The following TENM2 variants were observed in gnomAD, a reference collection of about 807,000 sequenced individuals.
TENM2 encodes the protein teneurin-2.
TENM2 carries 52 observed loss-of-function variants against 245.2 expected under a neutral mutation model. The ratio of observed to expected loss-of-function variants is 0.21; its 90% CI spans 0.17 to 0.27. The LOEUF is 0.27. Among genes scored for constraint, TENM2 ranks in the 10% least tolerant of loss-of-function variants. TENM2 has a pLI of 1.00. For synonymous variants in TENM2, 1,363 were observed against 1,438.9 expected (o/e 0.95, Z 1.19); for missense variants, 3,046 against 3,666.8 (o/e 0.83, Z 4.37).
chr5:167,384,090 G>A (rs527835988), intron 2 of TENM2, among the ~76,000 whole-genome samples: 1 of 152,234 alleles, frequency 6.6e-6, no homozygotes, highest in Admixed American at 6.5e-5. Flanking sequence ...ACCTAACTAT[G>A]TTATAGTAAA....
At chr5:168,187,986 G>A (rs549442346) in intron 13 of TENM2, among the ~76,000 whole-genome samples, 8 of 152,242 alleles carry the variant, frequency 5.3e-5, no homozygotes, top group Admixed American at 1.3e-4. Context: ...AATGTGTTAC[G>A]AGGCACATGA....
At chr5:167,032,919 G>A in the TENM2 span, among the ~76,000 whole-genome samples, 5 of 151,792 alleles carry the variant, frequency 3.3e-5, no homozygotes, top group African/African-American at 1.2e-4. Context: ...TTTCTCTGTG[G>A]TAAACACAAG....
the TENM2 span, among the ~76,000 whole-genome samples, chr5:167,252,917 TGTC>T: frequency 6.6e-6 from 1 of 152,160 alleles, no homozygotes; most frequent in Non-Finnish European, 1.5e-5. Flanking sequence ...TGGCCTTACG[TGTC>T]ATAGCTCTCT....
chr5:167,986,523 A>T (rs1783259178), intron 4 of TENM2, among the ~76,000 whole-genome samples: 1 of 152,150 alleles, frequency 6.6e-6, no homozygotes, highest in African/African-American at 2.4e-5. Context: ...TAAGACATCA[A>T]GGACTGGTTT....
At chr5:167,717,233 G>C (rs182978567) in intron 2 of TENM2, among the ~76,000 whole-genome samples, 1 of 152,166 alleles carries the variant, frequency 6.6e-6, no homozygotes, top group African/African-American at 2.4e-5. Flanking sequence ...TAGGATTACA[G>C]ATGTCAGCTA....
intron 5 of TENM2, among the ~76,000 whole-genome samples, chr5:168,023,215 G>T (rs1260703955): frequency 1.3e-5 from 2 of 152,222 alleles, no homozygotes; most frequent in Non-Finnish European, 2.9e-5. Flanking sequence ...CAGCCACGCT[G>T]ATGCGAGGCC....
At chr5:167,457,002 G>T (rs1765963342) in intron 2 of TENM2, among the ~76,000 whole-genome samples, 1 of 152,294 alleles carries the variant, frequency 6.6e-6, no homozygotes, top group African/African-American at 2.4e-5. Context: ...TCCAGTCGTG[G>T]TTTGAAGCAG....
At position 167,911,908 on chromosome 5, in the gene TENM2, A is replaced by T. The variant is rs546641331; in HGVS notation, c.712+35713A>T. ...ATATATATTTATGATATACAGCATGATATTCTGTTATATGTATGTAATGGA... is the reference window on the plus strand; with the variant it reads ...ATATATATTTATGATATACAGCATGTTATTCTGTTATATGTATGTAATGGA... On this transcript the variant is annotated intron_variant, in intron 3 of 28. Transcript: ENST00000518659. 1.3e-4 allele frequency among the ~76,000 whole-genome samples: 20 copies of T among 152,254 alleles called. 1 individual carries two copies. The highest frequency in any genetic ancestry group is 4.6e-4 in the African/African-American group (19 of 41,548).
At chr5:167,487,857 G>T (rs1374950209) in intron 2 of TENM2, among the ~76,000 whole-genome samples, 1 of 152,082 alleles carries the variant, frequency 6.6e-6, no homozygotes, top group Non-Finnish European at 1.5e-5. Context: ...TATTTTGTCA[G>T]TATATAATGC....
intron 10 of TENM2, 55 bp from the exon 13 acceptor site, chr5:168,124,795 C>A: frequency 6.7e-7 from 1 of 1,498,518 alleles, no homozygotes; most frequent in Non-Finnish European, 9.0e-7. Context: ...CATGGTCCAT[C>A]CTCCATGGGT....
At chr5:167,700,008 G>A (rs1758033177) in intron 2 of TENM2, among the ~76,000 whole-genome samples, 2 of 152,100 alleles carry the variant, frequency 1.3e-5, no homozygotes, top group Admixed American at 6.6e-5. Flanking sequence ...ATATATTGGG[G>A]TTCAGGGAAA....
chr5:167,226,159 T>G, the TENM2 span, among the ~76,000 whole-genome samples: 1 of 152,020 alleles, frequency 6.6e-6, no homozygotes. Context: ...TGATTAATTC[T>G]GCTCTGATCT....
chr5:167,102,727 C>T, the TENM2 span, among the ~76,000 whole-genome samples: 1 of 152,248 alleles, frequency 6.6e-6, no homozygotes, highest in Non-Finnish European at 1.5e-5. Flanking sequence ...GGCGCAGTCT[C>T]AGCTCAGTGC....
At chr5:167,704,509 C>T (rs1561689151) in intron 2 of TENM2, among the ~76,000 whole-genome samples, 1 of 152,010 alleles carries the variant, frequency 6.6e-6, no homozygotes, top group South Asian at 2.1e-4. Context: ...GTTTCACCCT[C>T]CTGCATCATC....
chr5:167,671,084 G>T (rs1582707794), intron 2 of TENM2, among the ~76,000 whole-genome samples: 1 of 152,158 alleles, frequency 6.6e-6, no homozygotes, highest in East Asian at 1.9e-4. Context: ...TTTGAATTCA[G>T]CCTTAGACTC....
At chr5:167,135,426 C>T in the TENM2 span, among the ~76,000 whole-genome samples, 1 of 152,078 alleles carries the variant, frequency 6.6e-6, no homozygotes, top group Non-Finnish European at 1.5e-5. Context: ...TTATCAAAGT[C>T]CTTTCTTCTT....
At chr5:167,522,451 C>T (rs1770828179) in intron 2 of TENM2, among the ~76,000 whole-genome samples, 1 of 151,974 alleles carries the variant, frequency 6.6e-6, no homozygotes, top group African/African-American at 2.4e-5. Context: ...CCTCATTCTG[C>T]CTTAATTATC....
At chr5:167,256,122 AC>A in the TENM2 span, among the ~76,000 whole-genome samples, 2 of 152,062 alleles carry the variant, frequency 1.3e-5, no homozygotes, top group African/African-American at 4.8e-5. Flanking sequence ...AGTGGTGCCC[AC>A]CCTGTAAGTG....
At chr5:167,827,627 G>GC (rs1768080366) in intron 2 of TENM2, among the ~76,000 whole-genome samples, 2 of 110,670 alleles carry the variant, frequency 1.8e-5, no homozygotes, top group South Asian at 4.3e-4. Flanking sequence ...AGCTAGGTGG[G>GC]CGGGGGGGGG....
Sources: allele counts gnomAD v4.1 joint callset (sites outside exome capture counted in the v4.1 genomes callset), GRCh38; gene constraint gnomAD v4.1.1; transcripts MANE v1.5; gene names NCBI Gene and HGNC (gene_info 2026-07-23, HGNC 2026-07-21).